The following ELOC variants were observed in gnomAD, a reference collection of about 807,000 sequenced individuals.
ELOC encodes elongin C.
For synonymous variants in ELOC, 40 were observed against 51.3 expected, an observed-to-expected ratio of 0.78 and a Z score of 0.94; for missense variants, 38 against 139.0, an observed-to-expected ratio of 0.27 and a Z score of 3.65.
At chr8:73,950,507 CTA>C (rs1813684464) in intron 3 of ELOC, among the ~76,000 whole-genome samples, 1 of 152,104 alleles carries the variant, frequency 6.6e-6, no homozygotes, top group Non-Finnish European at 1.5e-5. Flanking sequence ...AAAATTTTAG[CTA>C]ATAAATGCAA....
At chr8:73,969,481 C>G (rs1815213633) in intron 1 of ELOC, 1 of 152,220 alleles carries the variant, frequency 6.6e-6, no homozygotes, top group Non-Finnish European at 1.5e-5. Flanking sequence ...GATCTTGTCT[C>G]CCACCACTCT....
chr8:73,960,686 A>G (rs1814527519), intron 1 of ELOC, among the ~76,000 whole-genome samples: 1 of 152,236 alleles, frequency 6.6e-6, no homozygotes, highest in South Asian at 2.1e-4. Context: ...GATGATGCAT[A>G]CTGACTTAAA....
chr8:73,953,585 G>A (rs549038289), intron 3 of ELOC, among the ~76,000 whole-genome samples: 1 of 152,208 alleles, frequency 6.6e-6, no homozygotes, highest in East Asian at 1.9e-4. Context: ...GCTTGAACCT[G>A]GGAGGTGGAG....
chr8:73,970,853 A>G (rs1193105325), intron 1 of ELOC, among the ~76,000 whole-genome samples: 14 of 137,082 alleles, frequency 1.0e-4, no homozygotes, highest in South Asian at 9.1e-4. Context: ...CATCTCTACT[A>G]AAAAACAAAA....
rs144875006 is a variant in ELOC at position 73,945,220 on chromosome 8, C to T, written c.*1410G>A. On this transcript the variant is annotated 3_prime_UTR_variant, in exon 4 of 4. Transcript: ENST00000520242. ...GCCACCTCCACCTCCCAGGTTCAAGCGATTCTCATGCCTCAGCCTCACAAG... is the reference window on the plus strand; with the variant it reads ...GCCACCTCCACCTCCCAGGTTCAAGTGATTCTCATGCCTCAGCCTCACAAG... 81 of 149,582 alleles carry T rather than the reference C, an allele frequency of 5.4e-4. 1 individual carries two copies. In the East Asian group the frequency reaches 8.0e-3, roughly 15 times the overall value. 9.3% of individuals were successfully genotyped at this position (149,582 alleles called of 1,614,324 possible).
At chr8:73,954,692 C>T (rs1479068968) in intron 3 of ELOC, among the ~76,000 whole-genome samples, 2 of 149,676 alleles carry the variant, frequency 1.3e-5, no homozygotes, top group Non-Finnish European at 3.0e-5. Flanking sequence ...AAGGTAGCAA[C>T]TTGTTTTATC....
chr8:73,950,448 C>A lies in ELOC; in HGVS notation c.149-3628G>T, dbSNP rs75787392. Among the ~76,000 whole-genome samples, 561 of 152,322 alleles carry A rather than the reference C, an allele frequency of 3.7e-3. 2 individuals carry two copies. The highest frequency in any genetic ancestry group is 0.013 in the African/African-American group (539 of 41,560). On this transcript the variant is annotated intron_variant, in intron 3 of 3. Transcript: ENST00000520242. ...AGGAAAAAAATCAAGTCTTTATCATCTTTCCCATATAGACTGTATTTCAAT... is the reference window on the plus strand; with the variant it reads ...AGGAAAAAAATCAAGTCTTTATCATATTTCCCATATAGACTGTATTTCAAT...
chr8:73,963,125 G>A (rs1196732348), intron 1 of ELOC, among the ~76,000 whole-genome samples: 1 of 152,034 alleles, frequency 6.6e-6, no homozygotes, highest in African/African-American at 2.4e-5. Flanking sequence ...TGCTTTTAAG[G>A]TGTTACATAT....
chr8:73,966,194 A>T (rs759988040), intron 1 of ELOC, among the ~76,000 whole-genome samples: 25 of 152,198 alleles, frequency 1.6e-4, no homozygotes, highest in Non-Finnish European at 2.6e-4. Flanking sequence ...ATTCCAACCT[A>T]ATGGGAAGAA....
At chr8:73,959,386 A>G (rs1386626892) in intron 2 of ELOC, among the ~76,000 whole-genome samples, 4 of 152,140 alleles carry the variant, frequency 2.6e-5, no homozygotes, top group East Asian at 3.8e-4. Flanking sequence ...ATTTTTCTTT[A>G]TATCCTTATT....
intron 1 of ELOC, among the ~76,000 whole-genome samples, chr8:73,967,640 T>C (rs1398304554): frequency 1.3e-5 from 2 of 152,070 alleles, no homozygotes; most frequent in Non-Finnish European, 2.9e-5. Context: ...GCTAATTATT[T>C]GTATTTTTAG....
At chr8:73,952,432 T>C (rs1813838677) in intron 3 of ELOC, among the ~76,000 whole-genome samples, 1 of 147,986 alleles carries the variant, frequency 6.8e-6, no homozygotes, top group Admixed American at 6.8e-5. Flanking sequence ...ATTAATTAAT[T>C]TAAAAAATAA....
chr8:73,963,855 G>A (rs1214942878), intron 1 of ELOC, among the ~76,000 whole-genome samples: 1 of 152,180 alleles, frequency 6.6e-6, no homozygotes, highest in Non-Finnish European at 1.5e-5. Flanking sequence ...CACTTTGGGA[G>A]GCCGAAGGGG....
chr8:73,962,492 C>A (rs751441883), intron 1 of ELOC, among the ~76,000 whole-genome samples: 1 of 151,802 alleles, frequency 6.6e-6, no homozygotes, highest in African/African-American at 2.4e-5. Context: ...TTTTATGATA[C>A]TACGCAATTT....
chr8:73,953,322 C>A (rs1813900666), intron 3 of ELOC, among the ~76,000 whole-genome samples: 2 of 151,564 alleles, frequency 1.3e-5, no homozygotes, highest in Non-Finnish European at 2.9e-5. Flanking sequence ...ACCACCATCA[C>A]CAAACAAACC....
intron 1 of ELOC, chr8:73,970,692 C>A (rs908943956): frequency 6.6e-6 from 1 of 151,916 alleles, no homozygotes; most frequent in Non-Finnish European, 1.5e-5. Context: ...TTTTAGGTAA[C>A]TGAATAGAAA....
At chr8:73,971,134 G>A (rs1288063371) in intron 1 of ELOC, among the ~76,000 whole-genome samples, 1 of 152,030 alleles carries the variant, frequency 6.6e-6, no homozygotes, top group African/African-American at 2.4e-5. Context: ...GGCCAGGCGC[G>A]GTGGCTCACG....
chr8:73,967,232 CT>C (rs1815047340), intron 1 of ELOC, among the ~76,000 whole-genome samples: 1 of 152,112 alleles, frequency 6.6e-6, no homozygotes, highest in African/African-American at 2.4e-5. Flanking sequence ...CCAACAACCT[CT>C]CCTCCACCCG....
chr8:73,969,564 A>C, intron 1 of ELOC: 1 of 152,182 alleles, frequency 6.6e-6, no homozygotes. Flanking sequence ...TCTTACCTCA[A>C]GGTCTTTGCA....
Sources: gnomAD v4.1 joint callset for allele counts (sites outside exome capture counted in the v4.1 genomes callset) on GRCh38, gnomAD v4.1.1 for gene constraint, MANE v1.5 for transcripts, NCBI Gene and HGNC (gene_info 2026-07-23, HGNC 2026-07-21) for gene names.